Variants in SCHIP1 observed in about 807,000 individuals in gnomAD.
SCHIP1 encodes schwannomin-interacting protein 1.
A neutral mutation model predicts 29.7 loss-of-function variants in SCHIP1; 8 were observed. That is an observed-to-expected ratio of 0.27 (90% CI 0.16 to 0.49). The LOEUF is 0.49. Ranked by LOEUF, SCHIP1 falls within the 20% of genes least tolerant of loss-of-function variation. The pLI, the probability that SCHIP1 is intolerant of heterozygous loss-of-function variation, is 0.99. For synonymous variants in SCHIP1, 76 were observed against 94.9 expected, an observed-to-expected ratio of 0.80 and a Z score of 1.16; for missense variants, 193 against 294.6, an observed-to-expected ratio of 0.66 and a Z score of 2.52.
At chr3:159,751,931 G>A in the SCHIP1 span, among the ~76,000 whole-genome samples, 11 of 152,048 alleles carry the variant, frequency 7.2e-5, no homozygotes, top group Admixed American at 6.6e-4. Context: ...TGGATACTTC[G>A]TACATACTTC....
the SCHIP1 span, among the ~76,000 whole-genome samples, chr3:159,396,808 C>G: frequency 1.3e-5 from 2 of 151,982 alleles, no homozygotes; most frequent in South Asian, 4.2e-4. Flanking sequence ...CCTGGAGTTG[C>G]TCTTCTCGAG....
At chr3:159,720,256 G>T in the SCHIP1 span, among the ~76,000 whole-genome samples, 665 of 140,290 alleles carry the variant, frequency 4.7e-3, 9 homozygotes, top group Admixed American at 0.023. Flanking sequence ...GAGGGGGGAG[G>T]AATAGCATTA....
the SCHIP1 span, among the ~76,000 whole-genome samples, chr3:159,737,683 A>C: frequency 6.6e-6 from 1 of 152,246 alleles, no homozygotes; most frequent in Non-Finnish European, 1.5e-5. Context: ...TGATAAAGAA[A>C]AGATATCAAA....
At chr3:159,339,711 C>G in the SCHIP1 span, among the ~76,000 whole-genome samples, 1 of 152,034 alleles carries the variant, frequency 6.6e-6, no homozygotes, top group Non-Finnish European at 1.5e-5. Context: ...TGTGAGGGCA[C>G]GTTGGAATTT....
the SCHIP1 span, among the ~76,000 whole-genome samples, chr3:159,521,983 A>G: frequency 1.3e-5 from 2 of 152,230 alleles, no homozygotes; most frequent in African/African-American, 4.8e-5. Context: ...ACTTGGAAAA[A>G]TAATAGCCAA....
chr3:159,794,470 A>C, the SCHIP1 span, among the ~76,000 whole-genome samples: 27 of 152,320 alleles, frequency 1.8e-4, no homozygotes, highest in Non-Finnish European at 3.1e-4. Context: ...CTACTAATGC[A>C]GTGATTCTCA....
chr3:159,870,865 T>G (rs965022225), intron 2 of SCHIP1, among the ~76,000 whole-genome samples: 7 of 152,120 alleles, frequency 4.6e-5, no homozygotes, highest in African/African-American at 1.7e-4. Context: ...GTTTACATAA[T>G]ATTTTTATGA....
At chr3:159,611,567 A>T in the SCHIP1 span, among the ~76,000 whole-genome samples, 2 of 151,756 alleles carry the variant, frequency 1.3e-5, no homozygotes, top group African/African-American at 4.8e-5. Context: ...ATTAGGACAA[A>T]TACCTAATGT....
At chr3:159,508,430 T>C in the SCHIP1 span, among the ~76,000 whole-genome samples, 25 of 152,318 alleles carry the variant, frequency 1.6e-4, no homozygotes, top group Non-Finnish European at 2.6e-4. Context: ...CCTGGATTCA[T>C]TGATTTTTTG....
the SCHIP1 span, among the ~76,000 whole-genome samples, chr3:159,381,882 G>A: frequency 6.6e-6 from 1 of 152,274 alleles, no homozygotes; most frequent in South Asian, 2.1e-4. Context: ...ACAGGCGTGA[G>A]CCACTGTGTC....
chr3:159,644,811 G>T, the SCHIP1 span, among the ~76,000 whole-genome samples: 1 of 152,036 alleles, frequency 6.6e-6, no homozygotes, highest in South Asian at 2.1e-4. Flanking sequence ...TGCAACGTGG[G>T]AAAGAGACTA....
At chr3:159,491,367 G>T in the SCHIP1 span, among the ~76,000 whole-genome samples, 1 of 152,212 alleles carries the variant, frequency 6.6e-6, no homozygotes, top group Non-Finnish European at 1.5e-5. Context: ...ACAGAAAGGG[G>T]TGACAAACGG....
At chr3:159,375,830 C>T in the SCHIP1 span, 1 of 798,646 alleles carries the variant, frequency 1.3e-6, no homozygotes. Context: ...AGGCAGGAAT[C>T]ATCAATGAAA....
the SCHIP1 span, among the ~76,000 whole-genome samples, chr3:159,806,803 CT>C: frequency 1.3e-5 from 2 of 152,214 alleles, no homozygotes; most frequent in Non-Finnish European, 2.9e-5. Flanking sequence ...CACCATCTTT[CT>C]TTTCCCCTTT....
chr3:159,327,066 C>A, the SCHIP1 span, among the ~76,000 whole-genome samples: 6 of 152,032 alleles, frequency 3.9e-5, no homozygotes, highest in African/African-American at 1.2e-4. Flanking sequence ...GGTTTTTATA[C>A]GGAGGAAAAT....
chr3:159,671,337 C>T, the SCHIP1 span, among the ~76,000 whole-genome samples: 1 of 152,242 alleles, frequency 6.6e-6, no homozygotes, highest in East Asian at 1.9e-4. Context: ...ATATAGTCCC[C>T]ACTCTGAGCC....
the SCHIP1 span, among the ~76,000 whole-genome samples, chr3:159,501,083 G>T: frequency 1.3e-5 from 2 of 152,096 alleles, no homozygotes; most frequent in Non-Finnish European, 2.9e-5. Context: ...TGCTTTTCTG[G>T]AAAATTTCAG....
the SCHIP1 span, among the ~76,000 whole-genome samples, chr3:159,348,334 C>G: frequency 6.6e-6 from 1 of 151,994 alleles, no homozygotes; most frequent in Admixed American, 6.6e-5. Context: ...TGATAGATGT[C>G]ATATAAATTT....
the SCHIP1 span, among the ~76,000 whole-genome samples, chr3:159,361,110 G>C: frequency 6.6e-6 from 1 of 152,170 alleles, no homozygotes; most frequent in African/African-American, 2.4e-5. Context: ...TTACAGCCCA[G>C]CTTGTGAAGA....
Sources: gnomAD v4.1 joint callset for allele counts (sites outside exome capture counted in the v4.1 genomes callset) on GRCh38, gnomAD v4.1.1 for gene constraint, MANE v1.5 for transcripts, NCBI Gene and HGNC (gene_info 2026-07-23, HGNC 2026-07-21) for gene names.